Variants in DLEU7 observed in about 807,000 individuals in gnomAD.
The protein encoded by DLEU7 is deleted in lymphocytic leukemia 7.
DLEU7 carries 17 observed loss-of-function variants against 16.0 expected under a neutral mutation model. The ratio of observed to expected loss-of-function variants is 1.06; its 90% confidence interval spans 0.73 to 1.59. DLEU7 has a LOEUF of 1.59. DLEU7 is among the 40% of genes most tolerant of loss of function. The pLI is 0.00. For synonymous variants in DLEU7, 113 were observed against 139.8 expected (o/e 0.81, Z 1.35); for missense variants, 308 against 314.9 (o/e 0.98, Z 0.17).
At chr13:50,711,056 T>C (rs185025839), downstream of DLEU7, 110 of 152,352 alleles carry the variant, frequency 7.2e-4, no homozygotes, top group African/African-American at 2.5e-3. Context: ...CACTTTACTA[T>C]ATATTTTTAA....
intron 1 of DLEU7, chr13:50,808,737 A>G (rs1330217940): frequency 6.6e-6 from 1 of 152,188 alleles, no homozygotes; most frequent in Non-Finnish European, 1.5e-5. Context: ...TGACTGATTT[A>G]TAAATTGGGT....
intron 1 of DLEU7, among the ~76,000 whole-genome samples, chr13:50,809,582 A>C (rs760832126): frequency 6.6e-6 from 1 of 152,264 alleles, no homozygotes; most frequent in East Asian, 1.9e-4. Context: ...GTCAGCCAGC[A>C]TGCAATCTTA....
intron 1 of DLEU7, among the ~76,000 whole-genome samples, chr13:50,831,581 A>G (rs1877266616): frequency 6.6e-6 from 1 of 152,166 alleles, no homozygotes; most frequent in African/African-American, 2.4e-5. Context: ...TGTCAGAGTA[A>G]AGTCCCTGAA....
In DLEU7 at chr13:50,843,482, G is replaced by A; in HGVS notation, c.165C>T (p.Gly55=). 1 of 1,353,984 alleles carries A rather than the reference G, an allele frequency of 7.4e-7. No homozygotes were observed. Among genetic ancestry groups the A allele is most frequent in the East Asian group, 3.1e-5 (1 of 32,042 alleles). The allele number at this position is 1,353,984 out of a possible 1,614,324, so 83.9% of individuals were successfully genotyped here. A position where few individuals can be genotyped will look rare whatever the true frequency, so the allele number is the denominator to read the frequency against. ...HVSTAPARRS[G]PPRARPGPGR... ...CGGGCCCCGGCCGGGCCCGCGGCGG[G>A]CCTGAGCGACGGGCTGGAGCGGTGG... Residue 55 remains glycine, a synonymous_variant, in exon 1 of 2, where the codon GGC becomes GGT. Transcript: ENST00000504404. This position sits in a 1 kb window ranked among gnomAD's most constrained non-coding sequence, Gnocchi z 5.7.
chr13:50,754,692 G>A (rs1874699332), intron 1 of DLEU7, among the ~76,000 whole-genome samples: 1 of 152,190 alleles, frequency 6.6e-6, no homozygotes, highest in Non-Finnish European at 1.5e-5. Flanking sequence ...ATTGAGATAT[G>A]AAGTACCATT....
chr13:50,826,135 A>T (rs1390379247), intron 1 of DLEU7, among the ~76,000 whole-genome samples: 1 of 151,240 alleles, frequency 6.6e-6, no homozygotes, highest in Non-Finnish European at 1.5e-5. Flanking sequence ...CTCAATTCAC[A>T]ATAGGGTTTG....
At chr13:50,771,095 T>C (rs184227619) in intron 1 of DLEU7, among the ~76,000 whole-genome samples, 126 of 152,336 alleles carry the variant, frequency 8.3e-4, no homozygotes, top group African/African-American at 2.9e-3. Flanking sequence ...TTTGTATTTC[T>C]GTGGAATCGG....
chr13:50,738,787 CT>C, intron 1 of DLEU7, among the ~76,000 whole-genome samples: 1 of 152,126 alleles, frequency 6.6e-6, no homozygotes, highest in Non-Finnish European at 1.5e-5. Flanking sequence ...GGGAAAGTTT[CT>C]TGAAAGAGAT....
At chr13:50,715,532 G>C (rs1239492889) in intron 1 of DLEU7, 1 of 152,504 alleles carries the variant, frequency 6.6e-6, no homozygotes, top group Non-Finnish European at 1.5e-5. Context: ...CGCAGCAAAG[G>C]GGATGTTGCC....
intron 1 of DLEU7, among the ~76,000 whole-genome samples, chr13:50,732,239 G>T (rs930339448): frequency 6.6e-6 from 1 of 152,136 alleles, no homozygotes; most frequent in Non-Finnish European, 1.5e-5. Context: ...AGCTAGGACA[G>T]GTTTTCTTTT....
chr13:50,753,326 T>C (rs1593542554), intron 1 of DLEU7, among the ~76,000 whole-genome samples: 5 of 152,264 alleles, frequency 3.3e-5, no homozygotes, highest in African/African-American at 1.2e-4. Flanking sequence ...AGCCCTTGCG[T>C]GGTCAATGGG....
rs519728 is a variant in DLEU7, at chr13:50,773,483, G to A, written c.460-60243C>T. Among the ~76,000 whole-genome samples the A allele has an allele frequency of 7.7e-3, 1,172 of 152,210 alleles. 12 individuals are homozygous for A. The highest frequency in any genetic ancestry group is 0.026 in the African/African-American group (1,088 of 41,540). ...GGTTGTCCTTTTTGTTGATGTTGAC[G>A]CTATTCCTTTCTGTATGTTAGTTTT... On this transcript the variant is annotated intron_variant, in intron 1 of 1. Coordinates refer to the DLEU7 transcript ENST00000400393.
At chr13:50,769,632 T>C (rs1050696561) in intron 1 of DLEU7, among the ~76,000 whole-genome samples, 4 of 152,216 alleles carry the variant, frequency 2.6e-5, no homozygotes, top group African/African-American at 9.6e-5. Flanking sequence ...CTCTGCTCTG[T>C]TCCATTGGTC....
chr13:50,736,169 A>G (rs1874064674), intron 1 of DLEU7, among the ~76,000 whole-genome samples: 1 of 152,212 alleles, frequency 6.6e-6, no homozygotes, highest in African/African-American at 2.4e-5. Flanking sequence ...AATATTGAAT[A>G]CTATGCAGCC....
At chr13:50,773,443 A>T (rs989407005) in intron 1 of DLEU7, among the ~76,000 whole-genome samples, 21 of 152,246 alleles carry the variant, frequency 1.4e-4, no homozygotes, top group African/African-American at 5.1e-4. Context: ...TGACCTACAG[A>T]TGGAGTTTTA....
chr13:50,794,829 C>A lies in DLEU7; in HGVS notation c.459+48359G>T, dbSNP rs139004381. On this transcript the variant is annotated intron_variant, in intron 1 of 1. Coordinates refer to the DLEU7 transcript ENST00000400393. ...AGATTTACTTCAAATGACTTTTATA[C>A]ATGAGATTAAAGGTCCACATCTGGA... 3.7e-4 allele frequency among the ~76,000 whole-genome samples: 57 copies of A among 152,108 alleles called. No homozygotes were observed. The East Asian group carries it at 0.01, about 28-fold the overall frequency.
At chr13:50,731,368 T>C (rs1414413103) in intron 1 of DLEU7, among the ~76,000 whole-genome samples, 1 of 152,198 alleles carries the variant, frequency 6.6e-6, no homozygotes, top group Non-Finnish European at 1.5e-5. Context: ...ACTGGCAACA[T>C]GTATATGTGT....
At chr13:50,761,860 A>T (rs1480804326) in intron 1 of DLEU7, among the ~76,000 whole-genome samples, 1 of 152,214 alleles carries the variant, frequency 6.6e-6, no homozygotes, top group Admixed American at 6.5e-5. Context: ...TCTTTAAAAC[A>T]TTAATGAAAT....
In DLEU7 at chr13:50,754,115, G is replaced by C. The variant is rs533199666; in HGVS notation, c.460-40875C>G. ...TATCATATGGTCTATCTTAAAGAAGGTTCCATATGCTGTTAAATAGAATGT... is the reference window on the plus strand; with the variant it reads ...TATCATATGGTCTATCTTAAAGAAGCTTCCATATGCTGTTAAATAGAATGT... On this transcript the variant is annotated intron_variant, in intron 1 of 1. Transcript: ENST00000400393. Among the ~76,000 whole-genome samples, 333 of 152,212 alleles carry C rather than the reference G, an allele frequency of 2.2e-3. 4 individuals carry two copies. Among genetic ancestry groups the C allele is most frequent in the African/African-American group, 7.5e-3 (313 of 41,526 alleles).
Sources: allele counts gnomAD v4.1 joint callset (sites outside exome capture counted in the v4.1 genomes callset), GRCh38; gene constraint gnomAD v4.1.1; non-coding constraint Gnocchi (gnomAD v3.1); transcripts MANE v1.5; gene names NCBI Gene and HGNC (gene_info 2026-07-23, HGNC 2026-07-21).